Variants in DNAJC5 observed in about 807,000 individuals in gnomAD.
DNAJC5 encodes the protein DnaJ heat shock protein family (Hsp40) member C5.
DNAJC5 carries 1 observed loss-of-function variant against 23.2 expected under a neutral mutation model. That is an observed-to-expected ratio of 0.04 (90% CI 0.02 to 0.20). The LOEUF is 0.20. DNAJC5 is among the 10% of genes least tolerant of loss of function. The pLI is 1.00. For missense variants in DNAJC5, 180 were observed against 267.0 expected, an observed-to-expected ratio of 0.67 and a Z score of 2.27; for synonymous variants, 136 against 120.0, an observed-to-expected ratio of 1.13 and a Z score of -0.87.
chr20:63,926,242 A>G (rs1345838255), intron 1 of DNAJC5, among the ~76,000 whole-genome samples: 1 of 152,124 alleles, frequency 6.6e-6, no homozygotes, highest in Non-Finnish European at 1.5e-5. Context: ...TGTCCATTTC[A>G]TCTAATTTTT....
rs2053628376 is a variant in DNAJC5, at chr20:63,927,746, G to GT, written c.-11-583dup. On this transcript the variant is annotated intron_variant, in intron 1 of 4. Coordinates refer to ENST00000360864, the MANE Select transcript of DNAJC5 (RefSeq NM_025219.3). ...CTGTCAGTCCCTTACTTTAATTGGA[G>GT]TTTTTTGTCCACTAACATTGAATTT... Among the ~76,000 whole-genome samples, 3 of 152,130 alleles carry GT rather than the reference G, an allele frequency of 2.0e-5. No individual in the cohort carries two copies. The South Asian group carries it at 6.2e-4, about 32-fold the overall frequency.
intron 3 of DNAJC5, among the ~76,000 whole-genome samples, chr20:63,930,594 G>T (rs1262973646): frequency 6.6e-6 from 1 of 152,216 alleles, no homozygotes; most frequent in Non-Finnish European, 1.5e-5. Flanking sequence ...TGATCCGCCA[G>T]CCTCGGCCTC....
intron 1 of DNAJC5, among the ~76,000 whole-genome samples, chr20:63,911,662 C>T (rs776983716): frequency 6.7e-4 from 101 of 151,846 alleles, no homozygotes; most frequent in Middle Eastern, 6.8e-3. Context: ...TCTGTGTTTC[C>T]AGGGACTTTA....
chr20:63,915,322 G>T (rs1487917328), intron 1 of DNAJC5, among the ~76,000 whole-genome samples: 1 of 152,080 alleles, frequency 6.6e-6, no homozygotes, highest in Non-Finnish European at 1.5e-5. Context: ...AAGGTGACTT[G>T]GAGGAGGGCT....
chr20:63,900,024 G>A (rs189083921), intron 1 of DNAJC5, among the ~76,000 whole-genome samples: 1 of 151,874 alleles, frequency 6.6e-6, no homozygotes, highest in African/African-American at 2.4e-5. Context: ...GGGTTGCTGG[G>A]ATTACAGGCG....
intron 1 of DNAJC5, among the ~76,000 whole-genome samples, chr20:63,910,442 C>G (rs547329486): frequency 8.6e-5 from 13 of 151,700 alleles, no homozygotes; most frequent in African/African-American, 3.1e-4. Context: ...ACTCGGGAGG[C>G]TGAGGCAGGA....
rs965664511 is a variant in DNAJC5, at chr20:63,923,868, C to T, written c.-11-4467C>T. Among the ~76,000 whole-genome samples the T allele has an allele frequency of 4.6e-5, 7 of 152,228 alleles. No individual in the cohort carries two copies. In the East Asian group the frequency reaches 1.3e-3, roughly 29 times the overall value. ...CTCCAAGTCATTCTGCGCTCTTGAGCCAGAACGACCTGGCCGTTTTTAAAA... is the reference window on the plus strand; with the variant it reads ...CTCCAAGTCATTCTGCGCTCTTGAGTCAGAACGACCTGGCCGTTTTTAAAA... On this transcript the variant is annotated intron_variant, in intron 1 of 4. Coordinates refer to ENST00000360864, the MANE Select transcript of DNAJC5 (RefSeq NM_025219.3).
rs1230424122 is a variant in DNAJC5, at chr20:63,935,826, T to C, written c.*4258T>C. 2.0e-5 allele frequency: 3 copies of C among 152,278 alleles called. No individual in the cohort carries two copies. The highest frequency in any genetic ancestry group is 4.4e-5 in the Non-Finnish European group (3 of 68,044). The allele number at this position is 152,278 out of a possible 1,614,324, so 9.4% of individuals were successfully genotyped here. A position where few individuals can be genotyped will look rare whatever the true frequency, so the allele number is the denominator to read the frequency against. On this transcript the variant is annotated 3_prime_UTR_variant, in exon 5 of 5. Transcript: ENST00000360864. ...CAAATGCACACGCATGGAAGCTGCT[T>C]GTCCATGCACTGGTTTTGTCACTGG...
rs2053698017 is a variant in DNAJC5, at chr20:63,934,203, G to A, written c.*2635G>A. 6.6e-6 allele frequency: 1 copy of A among 152,240 alleles called. No homozygotes were observed. Among genetic ancestry groups the A allele is most frequent in the African/African-American group, 2.4e-5 (1 of 41,454 alleles). The allele number at this position is 152,240 out of a possible 1,614,324, so 9.4% of individuals were successfully genotyped here. On this transcript the variant is annotated 3_prime_UTR_variant, in exon 5 of 5. Coordinates refer to ENST00000360864, the MANE Select transcript of DNAJC5 (RefSeq NM_025219.3). ...AATTTAAGGAAAAAGATCCTCCCGG[G>A]TTTTATTTCTCTCTTTCTTGAGTGG... is the stretch of plus-strand genomic sequence containing the variant.
chr20:63,913,237 G>C (rs187849139), intron 1 of DNAJC5, among the ~76,000 whole-genome samples: 152 of 152,086 alleles, frequency 1.0e-3, no homozygotes, highest in African/African-American at 3.4e-3. Context: ...TGTTTCCTTT[G>C]TTTCCTTAGG....
At chr20:63,908,540 G>T (rs1253659257) in intron 1 of DNAJC5, among the ~76,000 whole-genome samples, 1 of 152,208 alleles carries the variant, frequency 6.6e-6, no homozygotes, top group African/African-American at 2.4e-5. Flanking sequence ...ACAGGGCAAA[G>T]GTCACTAAGT....
chr20:63,918,672 G>A (rs1444181760), intron 1 of DNAJC5, among the ~76,000 whole-genome samples: 1 of 152,108 alleles, frequency 6.6e-6, no homozygotes, highest in Non-Finnish European at 1.5e-5. Context: ...CTCGGCTCAC[G>A]GCAAGCTCTA....
rs1000987101 is a variant in DNAJC5, at chr20:63,929,904, G to A, written c.321+379G>A. On this transcript the variant is annotated intron_variant, in intron 3 of 4. Coordinates refer to ENST00000360864, the MANE Select transcript of DNAJC5 (RefSeq NM_025219.3). This position sits in a 1 kb window ranked among gnomAD's most constrained non-coding sequence, Gnocchi z 8.6. ...GTGTGATGGGCGAAGCTCTGTCACT[G>A]GCTTGGTGTCCTGCCTGGAACAAGC... Among the ~76,000 whole-genome samples the A allele has an allele frequency of 1.3e-5, 2 of 152,230 alleles. No homozygotes were observed. The highest frequency in any genetic ancestry group is 4.8e-5 in the African/African-American group (2 of 41,458).
rs2053651812 is a variant in DNAJC5, at chr20:63,929,906, C to G, written c.321+381C>G. 6.6e-6 allele frequency among the ~76,000 whole-genome samples: 1 copy of G among 152,198 alleles called. No individual in the cohort carries two copies. Among genetic ancestry groups the G allele is most frequent in the South Asian group, 2.1e-4 (1 of 4,836 alleles). The stretch of plus-strand genomic sequence containing the variant: ...GTGATGGGCGAAGCTCTGTCACTGG[C>G]TTGGTGTCCTGCCTGGAACAAGCCA... On this transcript the variant is annotated intron_variant, in intron 3 of 4. Coordinates refer to ENST00000360864, the MANE Select transcript of DNAJC5 (RefSeq NM_025219.3). The surrounding 1 kb of genome is among the most constrained non-coding windows in gnomAD (Gnocchi z 8.6).
chr20:63,897,532 C>T (rs2053383077), intron 1 of DNAJC5, among the ~76,000 whole-genome samples: 1 of 152,186 alleles, frequency 6.6e-6, no homozygotes, highest in African/African-American at 2.4e-5. Flanking sequence ...CGCCACACTG[C>T]ACTCCAGCCT....
At chr20:63,911,159 G>A (rs2053480621) in intron 1 of DNAJC5, among the ~76,000 whole-genome samples, 1 of 152,174 alleles carries the variant, frequency 6.6e-6, no homozygotes, top group Non-Finnish European at 1.5e-5. Context: ...ATTAGGACCT[G>A]GGGCAGTAGA....
intron 1 of DNAJC5, among the ~76,000 whole-genome samples, chr20:63,904,316 T>C (rs1240371089): frequency 6.6e-6 from 1 of 152,208 alleles, no homozygotes; most frequent in East Asian, 1.9e-4. Flanking sequence ...AATTACCTCT[T>C]ACGATGTGGT....
chr20:63,912,117 A>G (rs1162058844), intron 1 of DNAJC5, among the ~76,000 whole-genome samples: 1 of 152,124 alleles, frequency 6.6e-6, no homozygotes, highest in African/African-American at 2.4e-5. Flanking sequence ...AACCTGGCCA[A>G]TATAGCAAAA....
chr20:63,917,152 GAAATCTTC>G (rs1221643145), intron 1 of DNAJC5, among the ~76,000 whole-genome samples: 1 of 152,242 alleles, frequency 6.6e-6, no homozygotes, highest in African/African-American at 2.4e-5. Flanking sequence ...AAATGTCCAT[GAAATCTTC>G]ACAATTTATG....
Sources: gnomAD v4.1 joint callset for allele counts (sites outside exome capture counted in the v4.1 genomes callset) on GRCh38, gnomAD v4.1.1 for gene constraint, Gnocchi (gnomAD v3.1) non-coding constraint, MANE v1.5 for transcripts, NCBI Gene and HGNC (gene_info 2026-07-23, HGNC 2026-07-21) for gene names.